Variants in IMMP2L observed in about 807,000 individuals in gnomAD.
IMMP2L encodes the protein inner mitochondrial membrane peptidase subunit 2, also known as mitochondrial inner membrane protease subunit 2.
In IMMP2L, 18 loss-of-function variants were observed where a neutral mutation model predicts 19.3. The observed-to-expected ratio is 0.93, with a 90% CI of 0.64 to 1.38. The LOEUF (loss-of-function observed/expected upper bound fraction) is 1.38, where lower values mean the gene tolerates loss of function less well. Ranked by LOEUF, IMMP2L falls within the 40% of genes most tolerant of loss-of-function variation. The pLI is 0.00. For missense variants in IMMP2L, 233 were observed against 218.2 expected (o/e 1.07, Z -0.43); for synonymous variants, 76 against 73.0 (o/e 1.04, Z -0.21).
intron 5 of IMMP2L, among the ~76,000 whole-genome samples, chr7:110,753,279 A>C (rs750070095): frequency 5.9e-5 from 9 of 152,064 alleles, no homozygotes; most frequent in Non-Finnish European, 1.3e-4. Flanking sequence ...ACTCTACTCA[A>C]CATGATCTTA....
chr7:111,334,243 G>T (rs1469095660), intron 3 of IMMP2L, among the ~76,000 whole-genome samples: 1 of 150,842 alleles, frequency 6.6e-6, no homozygotes, highest in African/African-American at 2.4e-5. Flanking sequence ...CCAGCCTCTG[G>T]TAACTACAAA....
At chr7:111,258,052 TATTTG>T (rs1343127265) in intron 3 of IMMP2L, among the ~76,000 whole-genome samples, 2 of 152,192 alleles carry the variant, frequency 1.3e-5, no homozygotes, top group Admixed American at 6.6e-5. Context: ...CTCTAAAGGA[TATTTG>T]ATTTAATAAT....
intron 3 of IMMP2L, among the ~76,000 whole-genome samples, chr7:111,347,182 G>A (rs1447331465): frequency 5.3e-5 from 8 of 152,008 alleles, no homozygotes; most frequent in Non-Finnish European, 1.2e-4. Context: ...AATGTGATGG[G>A]CTTGAGGTAT....
intron 5 of IMMP2L, among the ~76,000 whole-genome samples, chr7:110,746,444 A>G (rs1394174232): frequency 1.3e-5 from 2 of 152,236 alleles, no homozygotes; most frequent in Non-Finnish European, 2.9e-5. Flanking sequence ...TCAAATCAAC[A>G]GAATATACAT....
chr7:111,341,266 G>A (rs538954848), intron 3 of IMMP2L, among the ~76,000 whole-genome samples: 46 of 152,068 alleles, frequency 3.0e-4, no homozygotes, highest in African/African-American at 1.1e-3. Context: ...AAGTTCTCAA[G>A]ATATTAAATC....
chr7:110,840,838 ACT>A (rs1335068249), intron 5 of IMMP2L, among the ~76,000 whole-genome samples: 2 of 151,948 alleles, frequency 1.3e-5, no homozygotes, highest in Non-Finnish European at 2.9e-5. Flanking sequence ...CTATATACAA[ACT>A]CTCAAGTACA....
intron 1 of IMMP2L, among the ~76,000 whole-genome samples, chr7:111,535,679 G>T (rs551085826): frequency 1.3e-5 from 2 of 152,218 alleles, no homozygotes; most frequent in South Asian, 2.1e-4. Flanking sequence ...GGGAAGTTGG[G>T]GGGTGGGGAA....
At chr7:111,125,700 T>A (rs958461204) in intron 3 of IMMP2L, among the ~76,000 whole-genome samples, 14 of 152,110 alleles carry the variant, frequency 9.2e-5, no homozygotes, top group Non-Finnish European at 1.3e-4. Flanking sequence ...AGGATTTTTT[T>A]AACAAGTAGC....
chr7:111,542,055 C>A (rs577936459), intron 1 of IMMP2L, among the ~76,000 whole-genome samples: 1 of 151,948 alleles, frequency 6.6e-6, no homozygotes, highest in East Asian at 1.9e-4. Context: ...TCAACATTTT[C>A]GTATATTTTG....
chr7:110,791,867 G>T (rs764030479), intron 5 of IMMP2L, among the ~76,000 whole-genome samples: 1 of 151,832 alleles, frequency 6.6e-6, no homozygotes, highest in Non-Finnish European at 1.5e-5. Flanking sequence ...TATCAGAGAA[G>T]TCACTCCTCC....
intron 3 of IMMP2L, among the ~76,000 whole-genome samples, chr7:111,233,084 T>C (rs1813889172): frequency 6.6e-6 from 1 of 152,138 alleles, no homozygotes; most frequent in Non-Finnish European, 1.5e-5. Flanking sequence ...GTGAAAACAC[T>C]GAACCTAACT....
chr7:110,989,797 T>C (rs984078260), intron 3 of IMMP2L, among the ~76,000 whole-genome samples: 1 of 151,854 alleles, frequency 6.6e-6, no homozygotes, highest in African/African-American at 2.4e-5. Flanking sequence ...TGGGCAAATG[T>C]TTTTTAAAAC....
intron 3 of IMMP2L, among the ~76,000 whole-genome samples, chr7:111,268,041 CAAACAGAGGA>C (rs1419187261): frequency 6.6e-6 from 1 of 152,038 alleles, no homozygotes; most frequent in East Asian, 1.9e-4. Context: ...CTTCACAAAA[CAAACAGAGGA>C]AGCAGTCACT....
chr7:111,147,654 G>A (rs1327294627), intron 3 of IMMP2L, among the ~76,000 whole-genome samples: 2 of 152,044 alleles, frequency 1.3e-5, no homozygotes, highest in Non-Finnish European at 2.9e-5. Flanking sequence ...CTCTGGGCCT[G>A]AAAGCACATT....
chr7:110,881,941 T>C (rs1052991152), intron 5 of IMMP2L, among the ~76,000 whole-genome samples: 1 of 152,172 alleles, frequency 6.6e-6, no homozygotes, highest in Admixed American at 6.5e-5. Flanking sequence ...GGAGATTTCA[T>C]GGGTTTTCAT....
At chr7:111,189,020 T>G (rs1808580890) in intron 3 of IMMP2L, among the ~76,000 whole-genome samples, 1 of 152,150 alleles carries the variant, frequency 6.6e-6, no homozygotes, top group Non-Finnish European at 1.5e-5. Context: ...GCTCCATTAC[T>G]GCACCTACTA....
At chr7:111,493,861 G>A (rs1307836869) in intron 2 of IMMP2L, among the ~76,000 whole-genome samples, 2 of 151,286 alleles carry the variant, frequency 1.3e-5, no homozygotes, top group Non-Finnish European at 2.9e-5. Flanking sequence ...TTAGCCGGGT[G>A]TAGTGGTGGG....
At chr7:111,438,858 T>G (rs1000629776) in intron 3 of IMMP2L, among the ~76,000 whole-genome samples, 2 of 152,032 alleles carry the variant, frequency 1.3e-5, no homozygotes, top group Admixed American at 1.3e-4. Flanking sequence ...TTGTCAAGTA[T>G]CTTGAATTTA....
At chr7:110,852,765 A>C (rs78198236) in intron 5 of IMMP2L, among the ~76,000 whole-genome samples, 5 of 152,168 alleles carry the variant, frequency 3.3e-5, no homozygotes, top group African/African-American at 1.2e-4. Context: ...TTGTCTTCCA[A>C]TAGAAACCCC....
Sources: allele counts gnomAD v4.1 joint callset (sites outside exome capture counted in the v4.1 genomes callset), GRCh38; gene constraint gnomAD v4.1.1; transcripts MANE v1.5; gene names NCBI Gene and HGNC (gene_info 2026-07-23, HGNC 2026-07-21).